HYCC1: variants seen among roughly 807,000 people sequenced by gnomAD.
HYCC1 encodes the protein hyccin.
At chr7:22,921,258 T>C in the HYCC1 span, among the ~76,000 whole-genome samples, 6 of 152,124 alleles carry the variant, frequency 3.9e-5, no homozygotes, top group African/African-American at 1.4e-4. Context: ...GCCTAAAACA[T>C]ATAGAAATGA....
At chr7:22,902,757 A>C in the HYCC1 span, among the ~76,000 whole-genome samples, 1 of 152,160 alleles carries the variant, frequency 6.6e-6, no homozygotes, top group Non-Finnish European at 1.5e-5. Context: ...AATCATGTAC[A>C]AAAATTAAGG....
the HYCC1 span, among the ~76,000 whole-genome samples, chr7:22,933,241 A>T: frequency 6.6e-6 from 1 of 152,168 alleles, no homozygotes; most frequent in African/African-American, 2.4e-5. Context: ...TCTTCTACCT[A>T]GGTATTGTAT....
At chr7:22,906,206 T>C in the HYCC1 span, among the ~76,000 whole-genome samples, 2 of 152,180 alleles carry the variant, frequency 1.3e-5, no homozygotes, top group Non-Finnish European at 2.9e-5. Context: ...GTATTAAATT[T>C]GAAAGTTATT....
the HYCC1 span, among the ~76,000 whole-genome samples, chr7:22,922,936 GAAGA>G: frequency 2.0e-4 from 30 of 151,912 alleles, no homozygotes; most frequent in East Asian, 3.9e-3. Flanking sequence ...AGAATTGAAA[GAAGA>G]AATACACAAT....
At chr7:22,997,010 G>T in the HYCC1 span, among the ~76,000 whole-genome samples, 1 of 152,130 alleles carries the variant, frequency 6.6e-6, no homozygotes, top group Non-Finnish European at 1.5e-5. Context: ...TTCCGGAGCA[G>T]AATATTTAAA....
the HYCC1 span, among the ~76,000 whole-genome samples, chr7:22,911,511 G>A: frequency 6.6e-6 from 1 of 152,206 alleles, no homozygotes; most frequent in African/African-American, 2.4e-5. Flanking sequence ...TGTAATCTCA[G>A]CACTTTGGGA....
At chr7:23,005,042 C>A in the HYCC1 span, among the ~76,000 whole-genome samples, 6 of 152,146 alleles carry the variant, frequency 3.9e-5, no homozygotes, top group South Asian at 1.0e-3. Flanking sequence ...CCTGACCTCG[C>A]GATCCGCCCG....
chr7:23,007,190 A>C, the HYCC1 span, among the ~76,000 whole-genome samples: 1 of 152,190 alleles, frequency 6.6e-6, no homozygotes, highest in Non-Finnish European at 1.5e-5. Flanking sequence ...GCAAAGAGGA[A>C]AAATACTTAA....
chr7:22,945,731 C>G, the HYCC1 span: 1 of 1,613,762 alleles, frequency 6.2e-7, no homozygotes, highest in Non-Finnish European at 8.5e-7. Context: ...GGCATCTGTC[C>G]CAGCCCCACA....
chr7:22,912,192 A>G, the HYCC1 span, among the ~76,000 whole-genome samples: 1 of 152,234 alleles, frequency 6.6e-6, no homozygotes, highest in Non-Finnish European at 1.5e-5. Context: ...ATGAAGAAAC[A>G]TTTATTAAAG....
At chr7:22,989,297 C>CACACAA in the HYCC1 span, among the ~76,000 whole-genome samples, 1 of 31,762 alleles carries the variant, frequency 3.1e-5, no homozygotes, top group Non-Finnish European at 9.6e-5. Context: ...CACACACACA[C>CACACAA]ACACACACAC....
the HYCC1 span, chr7:22,942,908 A>G: frequency 6.6e-6 from 1 of 152,202 alleles, no homozygotes; most frequent in Non-Finnish European, 1.5e-5. Context: ...AAGGAACTAT[A>G]AAAGAATTTT....
At chr7:22,920,026 A>G in the HYCC1 span, among the ~76,000 whole-genome samples, 1 of 152,186 alleles carries the variant, frequency 6.6e-6, no homozygotes, top group Non-Finnish European at 1.5e-5. Context: ...TGCTGAAAAC[A>G]AAGATAAAAA....
the HYCC1 span, among the ~76,000 whole-genome samples, chr7:22,899,905 C>A: frequency 4.2e-4 from 63 of 151,652 alleles, 1 homozygote; most frequent in South Asian, 0.013. Flanking sequence ...GCAAAATAAT[C>A]TGAAGAGAAA....
the HYCC1 span, among the ~76,000 whole-genome samples, chr7:22,987,233 A>G: frequency 6.6e-6 from 1 of 152,334 alleles, no homozygotes; most frequent in African/African-American, 2.4e-5. Flanking sequence ...GAAGTCCTAG[A>G]CTAATCATTT....
the HYCC1 span, chr7:22,990,969 T>TATATAAAATA: frequency 6.1e-6 from 5 of 824,526 alleles, no homozygotes; most frequent in Non-Finnish European, 1.1e-5. Context: ...ATTTAGCCTT[T>TATATAAAATA]CAGTCATATA....
the HYCC1 span, chr7:22,983,794 C>G: frequency 1.7e-6 from 1 of 601,354 alleles, no homozygotes; most frequent in Non-Finnish European, 3.0e-6. Flanking sequence ...AATTATATTT[C>G]TTGGCTTGGG....
chr7:22,954,006 G>C, the HYCC1 span, among the ~76,000 whole-genome samples: 4 of 151,392 alleles, frequency 2.6e-5, no homozygotes, highest in Non-Finnish European at 5.9e-5. Flanking sequence ...CATTCCAATA[G>C]ACAATTCTGT....
At chr7:22,945,276 C>T in the HYCC1 span, 10 of 412,732 alleles carry the variant, frequency 2.4e-5, no homozygotes, top group Non-Finnish European at 4.0e-5. Context: ...TCACATGAGA[C>T]ATAACCAACT....
Sources: gnomAD v4.1 joint callset for allele counts (sites outside exome capture counted in the v4.1 genomes callset) on GRCh38, gnomAD v4.1.1 for gene constraint, MANE v1.5 for transcripts, NCBI Gene and HGNC (gene_info 2026-07-23, HGNC 2026-07-21) for gene names.